The following NR2F1-AS1 variants were observed in gnomAD, a reference collection of about 807,000 sequenced individuals.
NR2F1-AS1 encodes the protein NR2F1 regulatory antisense RNA 1.
chr5:93,466,375 G>A (rs1279387453), intron 4 of NR2F1-AS1, among the ~76,000 whole-genome samples: 1 of 150,146 alleles, frequency 6.7e-6, no homozygotes, highest in African/African-American at 2.5e-5. Flanking sequence ...CTGTCACCCA[G>A]GCACTGGAGT....
At position 93,571,699 on chromosome 5, in the gene NR2F1-AS1, G is replaced by C. The variant is rs568153085; in HGVS notation, n.314-8236C>G. ...TCTCTCAATGCAATAAGATATAGAC[G>C]GTGATTGGAGTCGTTTCTCTTTTTG... On this transcript the variant is annotated intron_variant and non_coding_transcript_variant, in intron 1 of 5. Transcript: ENST00000660523. 6.6e-5 allele frequency among the ~76,000 whole-genome samples: 10 copies of C among 152,118 alleles called. No homozygotes were observed. In the South Asian group the frequency reaches 2.1e-3, roughly 32 times the overall value.
chr5:93,461,858 C>T (rs62369930), intron 4 of NR2F1-AS1, among the ~76,000 whole-genome samples: 21,267 of 152,040 alleles, frequency 0.14, 1,858 homozygotes, highest in Admixed American at 0.24. Flanking sequence ...AGTTACTAAA[C>T]ACAGTTTTTC....
At chr5:93,508,180 A>C (rs938618912) in intron 4 of NR2F1-AS1, among the ~76,000 whole-genome samples, 12 of 152,204 alleles carry the variant, frequency 7.9e-5, no homozygotes, top group African/African-American at 2.9e-4. Flanking sequence ...AAGATGAACA[A>C]GGTGGAACGA....
intron 4 of NR2F1-AS1, among the ~76,000 whole-genome samples, chr5:93,418,500 C>T (rs574365862): frequency 7.2e-5 from 11 of 152,100 alleles, no homozygotes; most frequent in East Asian, 1.9e-4. Flanking sequence ...GGCAGAGAAT[C>T]GCTTGAACCC....
intron 4 of NR2F1-AS1, chr5:93,432,364 CCA>C (rs1749345648): frequency 6.6e-6 from 1 of 152,164 alleles, no homozygotes; most frequent in African/African-American, 2.4e-5. Flanking sequence ...CAAGTACTTA[CCA>C]TGATCATTAA....
chr5:93,545,924 A>G (rs1201210479), intron 4 of NR2F1-AS1, among the ~76,000 whole-genome samples: 1 of 152,232 alleles, frequency 6.6e-6, no homozygotes, highest in African/African-American at 2.4e-5. Context: ...CTTTACACAG[A>G]CAAGAGGCTA....
At chr5:93,475,990 A>G (rs1459705214) in intron 4 of NR2F1-AS1, among the ~76,000 whole-genome samples, 2 of 152,204 alleles carry the variant, frequency 1.3e-5, no homozygotes, top group Non-Finnish European at 2.9e-5. Context: ...GAATGCAATG[A>G]AAGTTAACAA....
intron 1 of NR2F1-AS1, among the ~76,000 whole-genome samples, chr5:93,572,977 G>A (rs1476772470): frequency 6.6e-6 from 1 of 152,250 alleles, no homozygotes; most frequent in East Asian, 1.9e-4. Context: ...GAGGCTGGAA[G>A]GGAGGTCTCC....
intron 4 of NR2F1-AS1, among the ~76,000 whole-genome samples, chr5:93,538,820 T>C (rs1561489503): frequency 6.6e-6 from 1 of 152,236 alleles, no homozygotes; most frequent in African/African-American, 2.4e-5. Context: ...GATGTTTTTA[T>C]AATCAGAAAT....
At chr5:93,477,901 T>C (rs1193089311) in intron 4 of NR2F1-AS1, among the ~76,000 whole-genome samples, 1 of 152,184 alleles carries the variant, frequency 6.6e-6, no homozygotes, top group Non-Finnish European at 1.5e-5. Context: ...TAATTATAAA[T>C]ATAATCAGAC....
intron 4 of NR2F1-AS1, among the ~76,000 whole-genome samples, chr5:93,431,580 A>G (rs1749325843): frequency 6.6e-6 from 1 of 152,242 alleles, no homozygotes; most frequent in African/African-American, 2.4e-5. Flanking sequence ...TCCATGTCAT[A>G]CACTGAAGTT....
At chr5:93,419,004 T>C (rs909870398) in intron 4 of NR2F1-AS1, among the ~76,000 whole-genome samples, 23 of 152,240 alleles carry the variant, frequency 1.5e-4, no homozygotes, top group African/African-American at 5.3e-4. Context: ...GTACTACTTC[T>C]AGGAATCTAT....
At chr5:93,483,447 A>G (rs1561461556) in intron 4 of NR2F1-AS1, among the ~76,000 whole-genome samples, 1 of 152,194 alleles carries the variant, frequency 6.6e-6, no homozygotes, top group Non-Finnish European at 1.5e-5. Context: ...TCCGAAGGTC[A>G]CCAACATCAA....
chr5:93,443,271 A>C (rs938271887), intron 4 of NR2F1-AS1, among the ~76,000 whole-genome samples: 1 of 152,170 alleles, frequency 6.6e-6, no homozygotes, highest in African/African-American at 2.4e-5. Context: ...ATGATGTTTG[A>C]ACCCATCACA....
At chr5:93,544,354 C>T (rs12186735) in intron 4 of NR2F1-AS1, among the ~76,000 whole-genome samples, 6,485 of 152,088 alleles carry the variant, frequency 0.043, 188 homozygotes, top group Middle Eastern at 0.11. Context: ...CTTTCATTAA[C>T]GCTAAATTAT....
intron 4 of NR2F1-AS1, among the ~76,000 whole-genome samples, chr5:93,504,168 A>C (rs886761108): frequency 2.6e-5 from 4 of 152,228 alleles, no homozygotes; most frequent in Admixed American, 1.3e-4. Context: ...TTTGTTATTC[A>C]GAAGCCATAA....
chr5:93,529,035 TTAAAG>T (rs1275353919), intron 4 of NR2F1-AS1, among the ~76,000 whole-genome samples: 2 of 152,018 alleles, frequency 1.3e-5, no homozygotes, highest in Non-Finnish European at 2.9e-5. Flanking sequence ...ATCCCAGAAC[TTAAAG>T]TATAGTTTTA....
chr5:93,430,760 C>T (rs1050875384), intron 4 of NR2F1-AS1, among the ~76,000 whole-genome samples: 1 of 152,044 alleles, frequency 6.6e-6, no homozygotes, highest in African/African-American at 2.4e-5. Flanking sequence ...TTATCAATAC[C>T]AAAGCTTAGT....
chr5:93,563,919 G>A (rs769625817), intron 1 of NR2F1-AS1, among the ~76,000 whole-genome samples: 16 of 151,364 alleles, frequency 1.1e-4, no homozygotes, highest in African/African-American at 2.9e-4. Flanking sequence ...TGGCTAAGAC[G>A]GTGAAACCCC....
Sources: gnomAD v4.1 joint callset for allele counts (sites outside exome capture counted in the v4.1 genomes callset) on GRCh38, gnomAD v4.1.1 for gene constraint, MANE v1.5 for transcripts, NCBI Gene and HGNC (gene_info 2026-07-23, HGNC 2026-07-21) for gene names.